The following TAFA5 variants were observed in gnomAD, a reference collection of about 807,000 sequenced individuals.
TAFA5 encodes chemokine-like protein TAFA-5.
TAFA5 carries 6 observed loss-of-function variants against 15.3 expected under a neutral mutation model. The observed-to-expected ratio is 0.39, with a 90% CI of 0.21 to 0.77. The LOEUF (loss-of-function observed/expected upper bound fraction) is 0.77. TAFA5 is among the 30% of genes least tolerant of loss of function. The pLI, the probability that TAFA5 is intolerant of heterozygous loss-of-function variation, is 0.41. For synonymous variants in TAFA5, 103 were observed against 80.7 expected (o/e 1.28, Z -1.48); for missense variants, 161 against 193.1 (o/e 0.83, Z 0.98).
At chr22:48,513,915 G>A (rs8139419) in intron 1 of TAFA5, among the ~76,000 whole-genome samples, 25,865 of 152,108 alleles carry the variant, frequency 0.17, 3,392 homozygotes, top group African/African-American at 0.36. Context: ...AGGGCTCTCA[G>A]CTACCCAGCA....
rs1052128706 is a variant in TAFA5, at chr22:48,742,302, C to A, written c.391-7537C>A. On this transcript the variant is annotated intron_variant, in intron 3 of 3. Transcript: ENST00000402357. This position sits in a 1 kb window ranked among gnomAD's most constrained non-coding sequence, Gnocchi z 6.2. ...GCCCCTGCCAGGTTCGGGAAAAGAA[C>A]TGACCCCCACGAGGATGGTCCTGGT... 1.3e-5 allele frequency among the ~76,000 whole-genome samples: 2 copies of A among 152,230 alleles called. No individual in the cohort carries two copies. The highest frequency in any genetic ancestry group is 4.8e-5 in the African/African-American group (2 of 41,464).
intron 1 of TAFA5, among the ~76,000 whole-genome samples, chr22:48,577,308 G>A (rs2147142885): frequency 6.6e-6 from 1 of 152,264 alleles, no homozygotes; most frequent in Non-Finnish European, 1.5e-5. Flanking sequence ...GCGGTCGGTC[G>A]GCTCCAGGCA....
chr22:48,536,567 G>A (rs1181189307), intron 1 of TAFA5, among the ~76,000 whole-genome samples: 1 of 152,244 alleles, frequency 6.6e-6, no homozygotes, highest in African/African-American at 2.4e-5. Flanking sequence ...CACTATGGAG[G>A]AACAAGGACT....
chr22:48,704,637 C>T (rs899713773), intron 2 of TAFA5, among the ~76,000 whole-genome samples: 1 of 151,488 alleles, frequency 6.6e-6, no homozygotes, highest in Non-Finnish European at 1.5e-5. Flanking sequence ...TCCCTATCCC[C>T]ACGTGCCATG....
In TAFA5 at chr22:48,490,505, A is replaced by T. The variant is rs1354462827; in HGVS notation, c.112+801A>T. Among the ~76,000 whole-genome samples the T allele has an allele frequency of 6.6e-6, 1 of 151,238 alleles. No homozygotes were observed. Among genetic ancestry groups the T allele is most frequent in the Non-Finnish European group, 1.5e-5 (1 of 67,794 alleles). ...GCCGAGGCTCCAGGCGGGTGGAATG[A>T]GGGGTGGTTGGAGTCCCGGGTGCAG... On this transcript the variant is annotated intron_variant, in intron 1 of 3. Coordinates refer to ENST00000402357, the MANE Select transcript of TAFA5 (RefSeq NM_001082967.3). The surrounding 1 kb of genome is among the most constrained non-coding windows in gnomAD (Gnocchi z 5.8).
chr22:48,583,546 A>G (rs1924181345), intron 1 of TAFA5, among the ~76,000 whole-genome samples: 1 of 150,434 alleles, frequency 6.6e-6, no homozygotes, highest in Non-Finnish European at 1.5e-5. Context: ...CACCACATAC[A>G]AAATACACCA....
At chr22:48,557,728 C>T (rs1366776683) in intron 1 of TAFA5, among the ~76,000 whole-genome samples, 1 of 152,228 alleles carries the variant, frequency 6.6e-6, no homozygotes, top group East Asian at 1.9e-4. Flanking sequence ...GGTCCAGCCC[C>T]CACAGCACCC....
chr22:48,523,226 G>A (rs1444677170), intron 1 of TAFA5, among the ~76,000 whole-genome samples: 3 of 152,228 alleles, frequency 2.0e-5, no homozygotes, highest in Non-Finnish European at 2.9e-5. Flanking sequence ...TGGGCACTTC[G>A]TGGCGCTTGG....
At chr22:48,571,019 T>G (rs1356907860) in intron 1 of TAFA5, among the ~76,000 whole-genome samples, 2 of 152,224 alleles carry the variant, frequency 1.3e-5, no homozygotes, top group African/African-American at 4.8e-5. Context: ...CCTTGATTCC[T>G]TTCTCTGGTG....
rs371791665 is a variant in TAFA5 at position 48,700,711 on chromosome 22, G to A, written c.263-7006G>A. On this transcript the variant is annotated intron_variant, in intron 2 of 3. Transcript: ENST00000402357. ...GCAGGGCTCGTCCTGTCTGCAGGCC[G>A]GATGAGAGCTTGTCTGGCAGCTCTG... is the stretch of plus-strand genomic sequence containing the variant. Among the ~76,000 whole-genome samples, 33 of 152,270 alleles carry A rather than the reference G, an allele frequency of 2.2e-4. 1 individual carries two copies. The highest frequency in any genetic ancestry group is 6.7e-4 in the African/African-American group (28 of 41,548).
chr22:48,629,043 G>A (rs1418288070), intron 1 of TAFA5, among the ~76,000 whole-genome samples: 4 of 152,206 alleles, frequency 2.6e-5, no homozygotes, highest in Non-Finnish European at 5.9e-5. Flanking sequence ...CTGCCGGGCA[G>A]AGGGGAAGCC....
At chr22:48,559,696 G>C (rs1923159215) in intron 1 of TAFA5, among the ~76,000 whole-genome samples, 1 of 152,132 alleles carries the variant, frequency 6.6e-6, no homozygotes, top group Non-Finnish European at 1.5e-5. Flanking sequence ...TGAGGAGGAG[G>C]AAGGAAGCCA....
chr22:48,735,709 G>T (rs886844518), intron 3 of TAFA5, among the ~76,000 whole-genome samples: 3 of 152,122 alleles, frequency 2.0e-5, no homozygotes, highest in Non-Finnish European at 4.4e-5. Context: ...ACCAAGGGAG[G>T]CAGCAATCGC....
chr22:48,737,039 G>T (rs959442379), intron 3 of TAFA5, among the ~76,000 whole-genome samples: 2 of 152,176 alleles, frequency 1.3e-5, no homozygotes, highest in African/African-American at 2.4e-5. Context: ...GCCCTGACCC[G>T]TCTCTCCCCT....
At chr22:48,617,678 T>A (rs1925660700) in intron 1 of TAFA5, among the ~76,000 whole-genome samples, 1 of 152,140 alleles carries the variant, frequency 6.6e-6, no homozygotes, top group African/African-American at 2.4e-5. Flanking sequence ...CCTGGGAACA[T>A]AAAGCTGCCC....
chr22:48,512,940 AAAAAGAG>A (rs1228482034), intron 1 of TAFA5, among the ~76,000 whole-genome samples: 6 of 148,458 alleles, frequency 4.0e-5, no homozygotes, highest in Non-Finnish European at 7.5e-5. Flanking sequence ...AAAAAAAAAA[AAAAAGAG>A]AGAGAGAGAG....
intron 3 of TAFA5, among the ~76,000 whole-genome samples, chr22:48,738,813 A>G (rs6010514): frequency 0.22 from 33,695 of 152,070 alleles, 4,020 homozygotes; most frequent in Admixed American, 0.32. Context: ...CAGTCCTGAG[A>G]GTTAATCGGC....
intron 2 of TAFA5, among the ~76,000 whole-genome samples, chr22:48,687,572 C>T (rs1399985866): frequency 6.6e-6 from 1 of 152,132 alleles, no homozygotes; most frequent in African/African-American, 2.4e-5. Context: ...CCTGAGAAGG[C>T]AGTCAGAGTT....
At chr22:48,612,337 C>T (rs1267852867) in intron 1 of TAFA5, among the ~76,000 whole-genome samples, 1 of 152,246 alleles carries the variant, frequency 6.6e-6, no homozygotes, top group Non-Finnish European at 1.5e-5. Flanking sequence ...GAGATCACGG[C>T]AGGCCACGCG....
Sources: gnomAD v4.1 joint callset for allele counts (sites outside exome capture counted in the v4.1 genomes callset) on GRCh38, gnomAD v4.1.1 for gene constraint, Gnocchi (gnomAD v3.1) non-coding constraint, MANE v1.5 for transcripts, NCBI Gene and HGNC (gene_info 2026-07-23, HGNC 2026-07-21) for gene names.